Variants in FRMD4B observed in about 807,000 individuals in gnomAD.
FRMD4B encodes FERM domain-containing protein 4B.
A neutral mutation model predicts 141.5 loss-of-function variants in FRMD4B; 74 were observed. The observed-to-expected ratio is 0.52, with a 90% CI of 0.43 to 0.63. FRMD4B has a LOEUF of 0.63. Ranked by LOEUF, FRMD4B falls within the 30% of genes least tolerant of loss-of-function variation. The pLI is 0.00. For missense variants in FRMD4B, 1,366 were observed against 1,253.4 expected, an observed-to-expected ratio of 1.09 and a Z score of -1.36; for synonymous variants, 506 against 467.9, an observed-to-expected ratio of 1.08 and a Z score of -1.05.
chr3:69,536,015 G>T, intron 1 of FRMD4B: 1 of 395,964 alleles, frequency 2.5e-6, no homozygotes, highest in South Asian at 2.1e-5. Flanking sequence ...CGCTGGCACT[G>T]GAAGGGACCT....
intron 1 of FRMD4B, among the ~76,000 whole-genome samples, chr3:69,444,360 T>C (rs1268413063): frequency 6.6e-6 from 1 of 152,220 alleles, no homozygotes; most frequent in Admixed American, 6.5e-5. Context: ...TTTTGTGAAA[T>C]CAAAATTGAA....
At chr3:69,491,419 T>C (rs935924935) in intron 1 of FRMD4B, among the ~76,000 whole-genome samples, 48 of 152,000 alleles carry the variant, frequency 3.2e-4, no homozygotes, top group African/African-American at 1.1e-3. Flanking sequence ...TGTTTTAAAA[T>C]AAAAAAGCAA....
intron 1 of FRMD4B, among the ~76,000 whole-genome samples, chr3:69,497,636 C>T (rs1479792896): frequency 3.3e-5 from 5 of 152,042 alleles, no homozygotes; most frequent in Non-Finnish European, 7.4e-5. Flanking sequence ...CAGAGTGAAA[C>T]ACAGTGCAGG....
intron 1 of FRMD4B, among the ~76,000 whole-genome samples, chr3:69,493,478 C>T (rs1167015498): frequency 6.6e-6 from 1 of 152,102 alleles, no homozygotes; most frequent in Non-Finnish European, 1.5e-5. Flanking sequence ...GCATTTAGAC[C>T]AGGTCTGGCT....
At chr3:69,240,238 T>C (rs2093371902) in intron 7 of FRMD4B, among the ~76,000 whole-genome samples, 1 of 151,936 alleles carries the variant, frequency 6.6e-6, no homozygotes, top group Non-Finnish European at 1.5e-5. Context: ...GCCTGTAATT[T>C]TGGGAGGCCG....
At chr3:69,489,103 T>A (rs917806390) in intron 1 of FRMD4B, among the ~76,000 whole-genome samples, 3 of 151,506 alleles carry the variant, frequency 2.0e-5, no homozygotes, top group Non-Finnish European at 4.4e-5. Context: ...GAAAAGACAA[T>A]CCACTGTCTG....
chr3:69,306,874 A>G (rs1186996437), intron 3 of FRMD4B, among the ~76,000 whole-genome samples: 5 of 152,136 alleles, frequency 3.3e-5, no homozygotes, highest in Non-Finnish European at 5.9e-5. Context: ...TACGGGGGCG[A>G]AGGGAGGCAG....
intron 7 of FRMD4B, 74 bp downstream of exon 7, chr3:69,249,152 T>C: frequency 3.3e-6 from 3 of 919,800 alleles, no homozygotes; most frequent in Admixed American, 2.3e-5. Context: ...GTATCCATTG[T>C]TATTTAAAAT....
intron 1 of FRMD4B, among the ~76,000 whole-genome samples, chr3:69,483,059 G>A (rs1706157006): frequency 6.6e-6 from 1 of 152,168 alleles, no homozygotes; most frequent in South Asian, 2.1e-4. Flanking sequence ...TCCTTTGAGA[G>A]TAGGCATGTA....
intron 1 of FRMD4B, among the ~76,000 whole-genome samples, chr3:69,363,475 C>T (rs183891228): frequency 4.1e-4 from 62 of 151,496 alleles, no homozygotes; most frequent in East Asian, 1.9e-3. Context: ...CTGCAAGCTC[C>T]GCCTCCTGGG....
chr3:69,296,606 T>C (rs1334911920), intron 4 of FRMD4B, among the ~76,000 whole-genome samples: 1 of 152,198 alleles, frequency 6.6e-6, no homozygotes, highest in Non-Finnish European at 1.5e-5. Flanking sequence ...CAAAGACCTC[T>C]GGCTAACTTG....
rs1228798263 is a variant in FRMD4B, at chr3:69,181,718, A to G, written c.2040-8T>C. 6 of 1,586,786 alleles carry G rather than the reference A, an allele frequency of 3.8e-6. No individual in the cohort carries two copies. Among genetic ancestry groups the G allele is most frequent in the African/African-American group, 1.3e-5 (1 of 74,186 alleles). On this transcript the variant is annotated splice_region_variant and splice_polypyrimidine_tract_variant and intron_variant, in intron 20 of 22. Coordinates refer to ENST00000398540, the MANE Select transcript of FRMD4B (RefSeq NM_015123.3). Reference sequence around the variant, plus strand: ...TGAGATGAAGATTCGGGTCTGAAAGAGGAGAAAGGCAAACTTCTCAACACC... The same window carrying G: ...TGAGATGAAGATTCGGGTCTGAAAGGGGAGAAAGGCAAACTTCTCAACACC...
At chr3:69,508,687 C>T (rs1706638043) in intron 1 of FRMD4B, among the ~76,000 whole-genome samples, 1 of 152,150 alleles carries the variant, frequency 6.6e-6, no homozygotes, top group Non-Finnish European at 1.5e-5. Flanking sequence ...GAAGAAATCA[C>T]AAGGGAAATT....
At chr3:69,504,071 C>G (rs767403682) in intron 1 of FRMD4B, among the ~76,000 whole-genome samples, 1 of 152,176 alleles carries the variant, frequency 6.6e-6, no homozygotes, top group Admixed American at 6.5e-5. Context: ...TATACAATCA[C>G]TGTAAAATAA....
intron 1 of FRMD4B, among the ~76,000 whole-genome samples, chr3:69,335,949 C>T (rs188395676): frequency 1.4e-3 from 215 of 151,466 alleles, no homozygotes; most frequent in Middle Eastern, 3.4e-3. Context: ...TTTTGAACTC[C>T]TGACCTCAAG....
chr3:69,241,514 A>G (rs2093383090), intron 7 of FRMD4B, among the ~76,000 whole-genome samples: 2 of 152,206 alleles, frequency 1.3e-5, no homozygotes, highest in African/African-American at 4.8e-5. Flanking sequence ...CTGAAATAAG[A>G]CAAAAACGTT....
At chr3:69,329,699 T>A (rs1702304530) in intron 1 of FRMD4B, among the ~76,000 whole-genome samples, 1 of 151,522 alleles carries the variant, frequency 6.6e-6, no homozygotes, top group African/African-American at 2.4e-5. Context: ...GGCTAATTTT[T>A]TTTTGTATTT....
intron 1 of FRMD4B, among the ~76,000 whole-genome samples, chr3:69,457,147 AAAAAG>A (rs1274057395): frequency 6.6e-6 from 1 of 152,250 alleles, no homozygotes; most frequent in Non-Finnish European, 1.5e-5. Context: ...GGAACAAAGA[AAAAAG>A]AAAAGAAAGG....
intron 11 of FRMD4B, among the ~76,000 whole-genome samples, chr3:69,200,049 A>G (rs924778044): frequency 5.3e-5 from 8 of 152,194 alleles, no homozygotes; most frequent in African/African-American, 1.9e-4. Flanking sequence ...AAAGAATCTT[A>G]AAAGATTATT....
Sources: gnomAD v4.1 joint callset for allele counts (sites outside exome capture counted in the v4.1 genomes callset) on GRCh38, gnomAD v4.1.1 for gene constraint, MANE v1.5 for transcripts, NCBI Gene and HGNC (gene_info 2026-07-23, HGNC 2026-07-21) for gene names.